Variants in RORA observed in about 807,000 individuals in gnomAD.
The protein encoded by RORA is RAR related orphan receptor A.
RORA carries 7 observed loss-of-function variants against 69.5 expected under a neutral mutation model. That is an observed-to-expected ratio of 0.10 (90% CI 0.06 to 0.19). The LOEUF is 0.19. Ranked by LOEUF, RORA falls within the 10% of genes least tolerant of loss-of-function variation. The pLI, the probability that RORA is intolerant of heterozygous loss-of-function variation, is 1.00. For missense variants in RORA, 457 were observed against 663.0 expected, an observed-to-expected ratio of 0.69 and a Z score of 3.41; for synonymous variants, 261 against 240.8, an observed-to-expected ratio of 1.08 and a Z score of -0.78.
chr15:60,660,546 C>T (rs1357878612), intron 2 of RORA, among the ~76,000 whole-genome samples: 2 of 152,256 alleles, frequency 1.3e-5, no homozygotes, highest in South Asian at 2.1e-4. Context: ...AAGAAATCTA[C>T]CTGCATATGC....
chr15:61,000,388 C>T (rs1294480316), intron 1 of RORA, among the ~76,000 whole-genome samples: 2 of 152,080 alleles, frequency 1.3e-5, no homozygotes, highest in African/African-American at 4.8e-5. Context: ...TGAGAAGAAC[C>T]AAGACTGGGA....
chr15:60,685,864 A>T (rs1405720405), intron 1 of RORA, among the ~76,000 whole-genome samples: 1 of 152,214 alleles, frequency 6.6e-6, no homozygotes, highest in African/African-American at 2.4e-5. Context: ...ATTTAGATAT[A>T]CTAATTATGA....
chr15:60,792,558 C>T (rs2072432907), intron 1 of RORA, among the ~76,000 whole-genome samples: 1 of 152,100 alleles, frequency 6.6e-6, no homozygotes, highest in African/African-American at 2.4e-5. Context: ...AAAAAAGCAG[C>T]CAGAGACCTA....
chr15:60,984,801 CTTTT>C (rs3985701), intron 1 of RORA, among the ~76,000 whole-genome samples: 1 of 137,270 alleles, frequency 7.3e-6, no homozygotes, highest in Non-Finnish European at 1.5e-5. Flanking sequence ...CTACATATGT[CTTTT>C]TTTTTTTTTT....
At chr15:60,747,122 A>C (rs2071660130) in intron 1 of RORA, among the ~76,000 whole-genome samples, 1 of 151,850 alleles carries the variant, frequency 6.6e-6, no homozygotes, top group East Asian at 1.9e-4. Context: ...CCCCCTGCTC[A>C]ATCTCTTCTC....
rs192136494 is a variant in RORA at position 61,100,228 on chromosome 15, C to T, written c.166+128825G>A. On this transcript the variant is annotated intron_variant, in intron 1 of 10. Transcript: ENST00000335670. ...TCCGCCTCCGGGTTCCAGCGATTCT[C>T]CTGCCTCAGCCTCCTGGGTAGCTGG... 6.4e-3 allele frequency among the ~76,000 whole-genome samples: 965 copies of T among 150,842 alleles called. 6 individuals are homozygous for T. The highest frequency in any genetic ancestry group is 0.034 in the Middle Eastern group (10 of 294).
intron 1 of RORA, among the ~76,000 whole-genome samples, chr15:60,721,528 T>C (rs974602410): frequency 5.9e-5 from 9 of 152,288 alleles, no homozygotes; most frequent in Admixed American, 3.3e-4. Flanking sequence ...TGAGTACTGC[T>C]ATGTGGAATT....
At chr15:60,592,933 G>A (rs532045589) in intron 2 of RORA, 3 of 455,782 alleles carry the variant, frequency 6.6e-6, no homozygotes, top group African/African-American at 2.0e-5. Flanking sequence ...GCTTGCCGGA[G>A]CACTCGGGGG....
At chr15:61,051,806 G>A (rs1222234646) in intron 1 of RORA, among the ~76,000 whole-genome samples, 1 of 152,192 alleles carries the variant, frequency 6.6e-6, no homozygotes. Flanking sequence ...GACCATTCCC[G>A]TGAGCCTCAG....
intron 1 of RORA, among the ~76,000 whole-genome samples, chr15:61,046,473 G>C (rs10519108): frequency 0.22 from 33,518 of 152,088 alleles, 4,461 homozygotes; most frequent in Non-Finnish European, 0.3. Context: ...ATGGAACTGA[G>C]TGTCGCAATC....
At chr15:61,099,997 T>C (rs1212893749) in intron 1 of RORA, among the ~76,000 whole-genome samples, 2 of 152,056 alleles carry the variant, frequency 1.3e-5, no homozygotes, top group Non-Finnish European at 2.9e-5. Context: ...ACAAGTCTGA[T>C]ACTAAATCTA....
intron 1 of RORA, among the ~76,000 whole-genome samples, chr15:61,189,383 G>A (rs1021858883): frequency 2.0e-5 from 3 of 152,168 alleles, no homozygotes; most frequent in South Asian, 2.1e-4. Context: ...CGGCAGCTAT[G>A]GGCTCTTGTT....
intron 2 of RORA, among the ~76,000 whole-genome samples, chr15:60,645,640 G>A (rs1441754971): frequency 2.6e-5 from 4 of 152,044 alleles, no homozygotes; most frequent in South Asian, 2.1e-4. Context: ...TGATCCACCC[G>A]CCTCAGCCTC....
chr15:60,739,447 C>T (rs2071544718), intron 1 of RORA, among the ~76,000 whole-genome samples: 1 of 152,042 alleles, frequency 6.6e-6, no homozygotes, highest in South Asian at 2.1e-4. Context: ...TGGTGTACAC[C>T]TGTGGTCCTG....
chr15:60,517,651 A>G (rs1474860509), intron 3 of RORA, among the ~76,000 whole-genome samples: 1 of 152,162 alleles, frequency 6.6e-6, no homozygotes, highest in African/African-American at 2.4e-5. Context: ...TTTTCCCCTG[A>G]GACACATAAT....
intron 1 of RORA, among the ~76,000 whole-genome samples, chr15:60,931,052 G>A (rs537277716): frequency 6.6e-6 from 1 of 152,328 alleles, no homozygotes; most frequent in South Asian, 2.1e-4. Flanking sequence ...TATTTTAAAT[G>A]GCAGGGGGAA....
At position 60,526,212 on chromosome 15, in the gene RORA, C is replaced by T. The variant is rs564590532; in HGVS notation, c.282+5554G>A. 5.3e-5 allele frequency among the ~76,000 whole-genome samples: 8 copies of T among 152,292 alleles called. No individual in the cohort carries two copies. The East Asian group carries it at 1.5e-3, about 29-fold the overall frequency. The stretch of plus-strand genomic sequence containing the variant: ...TTTTGTTCAGTAGTGACTGGCCTCC[C>T]TGTAGAATTGTATGCGCAAGTGGTC... On this transcript the variant is annotated intron_variant, in intron 3 of 10. Transcript: ENST00000335670.
chr15:60,874,584 G>A (rs759857177), intron 1 of RORA, among the ~76,000 whole-genome samples: 6 of 152,154 alleles, frequency 3.9e-5, no homozygotes, highest in Non-Finnish European at 8.8e-5. Context: ...AGAAAGGCAT[G>A]GGGCCTGATT....
In RORA at chr15:61,069,026, A is replaced by G. The variant is rs117113973; in HGVS notation, c.166+160027T>C. Among the ~76,000 whole-genome samples, 21 of 152,324 alleles carry G rather than the reference A, an allele frequency of 1.4e-4. 1 individual carries two copies. The East Asian group carries it at 4.0e-3, about 29-fold the overall frequency. ...TCTAATCATCCACCTTTCTAGCAGT[A>G]ATACTGACATCTGAATCTCTTTTTC... On this transcript the variant is annotated intron_variant, in intron 1 of 10. Coordinates refer to ENST00000335670, the MANE Select transcript of RORA (RefSeq NM_134261.3).
Sources: gnomAD v4.1 joint callset for allele counts (sites outside exome capture counted in the v4.1 genomes callset) on GRCh38, gnomAD v4.1.1 for gene constraint, MANE v1.5 for transcripts, NCBI Gene and HGNC (gene_info 2026-07-23, HGNC 2026-07-21) for gene names.